ARB2A: variants seen among roughly 807,000 people sequenced by gnomAD.
The protein encoded by ARB2A is cotranscriptional regulator ARB2A.
At chr5:93,709,227 T>G in the ARB2A span, among the ~76,000 whole-genome samples, 1 of 152,134 alleles carries the variant, frequency 6.6e-6, no homozygotes, top group Non-Finnish European at 1.5e-5. Context: ...CTCAATGAAA[T>G]CATAAGGTCC....
At chr5:93,922,063 T>C in the ARB2A span, among the ~76,000 whole-genome samples, 1 of 152,140 alleles carries the variant, frequency 6.6e-6, no homozygotes, top group African/African-American at 2.4e-5. Flanking sequence ...ATAGAAAGCA[T>C]TGTCAATGCC....
the ARB2A span, among the ~76,000 whole-genome samples, chr5:93,871,708 T>C: frequency 1.5e-3 from 221 of 152,290 alleles, no homozygotes; most frequent in Admixed American, 2.1e-3. Flanking sequence ...TTATTTCTCA[T>C]AAAATGCTAT....
At chr5:94,033,411 A>AAT in the ARB2A span, among the ~76,000 whole-genome samples, 233 of 151,122 alleles carry the variant, frequency 1.5e-3, 1 homozygote, top group South Asian at 4.6e-3. Context: ...TGATGAAATG[A>AAT]ATATATATAT....
chr5:93,952,260 C>G, the ARB2A span, among the ~76,000 whole-genome samples: 2 of 152,184 alleles, frequency 1.3e-5, no homozygotes, highest in African/African-American at 4.8e-5. Context: ...AAAACACTGA[C>G]AGTAGCCAGA....
the ARB2A span, among the ~76,000 whole-genome samples, chr5:93,918,481 G>GTGAGA: frequency 7.1e-6 from 1 of 140,894 alleles, no homozygotes; most frequent in Non-Finnish European, 1.5e-5. Context: ...TCGTGCAATG[G>GTGAGA]TGAGATCTCA....
the ARB2A span, among the ~76,000 whole-genome samples, chr5:93,671,053 C>G: frequency 6.6e-6 from 1 of 152,144 alleles, no homozygotes; most frequent in African/African-American, 2.4e-5. Flanking sequence ...ACTGATTATG[C>G]ACTTGAAAAT....
At chr5:93,879,563 G>A in the ARB2A span, among the ~76,000 whole-genome samples, 1 of 151,544 alleles carries the variant, frequency 6.6e-6, no homozygotes, top group Non-Finnish European at 1.5e-5. Context: ...TAACAATGAA[G>A]CAACATAAAA....
chr5:93,797,825 T>C, the ARB2A span, among the ~76,000 whole-genome samples: 1 of 152,096 alleles, frequency 6.6e-6, no homozygotes, highest in Non-Finnish European at 1.5e-5. Context: ...GAGAGGTGTT[T>C]TCAGAAAAAT....
the ARB2A span, among the ~76,000 whole-genome samples, chr5:93,699,385 GA>G: frequency 1.3e-5 from 2 of 152,140 alleles, no homozygotes; most frequent in African/African-American, 4.8e-5. Flanking sequence ...CTAGAATGTG[GA>G]AAGACTATTT....
chr5:93,633,790 T>A, the ARB2A span, among the ~76,000 whole-genome samples: 1 of 152,126 alleles, frequency 6.6e-6, no homozygotes, highest in Non-Finnish European at 1.5e-5. Flanking sequence ...ATCTTCAACA[T>A]AGATTGACAA....
chr5:94,038,686 T>C, the ARB2A span, among the ~76,000 whole-genome samples: 1 of 152,002 alleles, frequency 6.6e-6, no homozygotes, highest in South Asian at 2.1e-4. Context: ...AAACAATTCC[T>C]ACTGAATGAC....
the ARB2A span, chr5:93,881,322 A>G: frequency 1.8e-6 from 1 of 559,404 alleles, no homozygotes; most frequent in Non-Finnish European, 3.0e-6. Flanking sequence ...GAATTTAAAA[A>G]CCCATTTAAT....
the ARB2A span, among the ~76,000 whole-genome samples, chr5:94,016,354 T>C: frequency 6.6e-6 from 1 of 152,218 alleles, no homozygotes; most frequent in African/African-American, 2.4e-5. Context: ...AGGAGCTGTA[T>C]CTTTGGGTTT....
chr5:94,032,879 G>C, the ARB2A span, among the ~76,000 whole-genome samples: 6 of 152,252 alleles, frequency 3.9e-5, no homozygotes, highest in Non-Finnish European at 7.4e-5. Flanking sequence ...ATAAAGGTTA[G>C]GCTTTGTGTC....
chr5:93,679,765 A>G, the ARB2A span, among the ~76,000 whole-genome samples: 4 of 152,146 alleles, frequency 2.6e-5, no homozygotes, highest in Non-Finnish European at 4.4e-5. Context: ...ATTCAAAGAG[A>G]AAAACTTAAT....
chr5:93,661,691 T>G, the ARB2A span, among the ~76,000 whole-genome samples: 1 of 152,210 alleles, frequency 6.6e-6, no homozygotes, highest in Non-Finnish European at 1.5e-5. Context: ...CTCATAATGT[T>G]TTTAAAAAGT....
the ARB2A span, among the ~76,000 whole-genome samples, chr5:93,718,486 C>T: frequency 2.0e-5 from 3 of 151,834 alleles, no homozygotes; most frequent in South Asian, 6.2e-4. Flanking sequence ...TTTTTTGTAT[C>T]CAAAACTCAG....
At chr5:94,062,428 G>T in the ARB2A span, among the ~76,000 whole-genome samples, 2 of 152,050 alleles carry the variant, frequency 1.3e-5, no homozygotes, top group African/African-American at 4.8e-5. Flanking sequence ...CACCCAAAAA[G>T]CAAAGATAAA....
chr5:93,915,048 G>A, the ARB2A span, among the ~76,000 whole-genome samples: 1 of 151,792 alleles, frequency 6.6e-6, no homozygotes, highest in Non-Finnish European at 1.5e-5. Context: ...AAAGGTAGAG[G>A]AAAAAAGTAG....
Sources: allele counts gnomAD v4.1 joint callset (sites outside exome capture counted in the v4.1 genomes callset), GRCh38; gene constraint gnomAD v4.1.1; transcripts MANE v1.5; gene names NCBI Gene and HGNC (gene_info 2026-07-23, HGNC 2026-07-21).